The following CNTN5 variants were observed in gnomAD, a reference collection of about 807,000 sequenced individuals.
CNTN5 encodes the protein contactin 5.
CNTN5 carries 77 observed loss-of-function variants against 129.1 expected under a neutral mutation model. The ratio of observed to expected loss-of-function variants is 0.60; its 90% CI spans 0.50 to 0.72. CNTN5 has a LOEUF of 0.72. Ranked by LOEUF, CNTN5 falls within the 30% of genes least tolerant of loss-of-function variation. CNTN5 has a pLI of 0.00. For synonymous variants in CNTN5, 509 were observed against 465.6 expected (o/e 1.09, Z -1.20); for missense variants, 1,478 against 1,328.8 (o/e 1.11, Z -1.75).
At chr11:99,716,432 C>T (rs1387447804) in intron 3 of CNTN5, among the ~76,000 whole-genome samples, 1 of 151,970 alleles carries the variant, frequency 6.6e-6, no homozygotes, top group African/African-American at 2.4e-5. Context: ...CCTCAGTATC[C>T]TGAATGAGCT....
chr11:99,824,853 G>A (rs981732189), intron 4 of CNTN5, among the ~76,000 whole-genome samples: 1 of 151,900 alleles, frequency 6.6e-6, no homozygotes, highest in African/African-American at 2.4e-5. Flanking sequence ...ACTTATATAT[G>A]TTAAAAATAT....
chr11:100,245,441 C>A (rs1360041190), intron 16 of CNTN5, among the ~76,000 whole-genome samples: 2 of 151,976 alleles, frequency 1.3e-5, no homozygotes, highest in African/African-American at 4.8e-5. Flanking sequence ...TGAACCAATC[C>A]TTAGCAGGGG....
intron 1 of CNTN5, among the ~76,000 whole-genome samples, chr11:99,088,441 C>A (rs896922967): frequency 6.6e-6 from 1 of 152,080 alleles, no homozygotes; most frequent in Non-Finnish European, 1.5e-5. Context: ...GAAATCTTGG[C>A]ACATTCCTTA....
At chr11:100,160,666 C>T (rs571266474) in intron 13 of CNTN5, among the ~76,000 whole-genome samples, 1 of 152,054 alleles carries the variant, frequency 6.6e-6, no homozygotes, top group South Asian at 2.1e-4. Flanking sequence ...ACTCAAGTTA[C>T]TTCTACTTAT....
At chr11:99,103,224 G>C (rs1184698194) in intron 1 of CNTN5, among the ~76,000 whole-genome samples, 1 of 152,128 alleles carries the variant, frequency 6.6e-6, no homozygotes, top group African/African-American at 2.4e-5. Context: ...GATGAGATTT[G>C]GGTGGGGACA....
Position 99,463,266 on chromosome 11 carries a change from A to G in CNTN5, c.-70-92879A>G, listed in dbSNP as rs375964285. 3.3e-5 allele frequency among the ~76,000 whole-genome samples: 5 copies of G among 150,384 alleles called. No homozygotes were observed. The East Asian group carries it at 7.9e-4, about 24-fold the overall frequency. On this transcript the variant is annotated intron_variant, in intron 2 of 24. Transcript: ENST00000524871. Reference sequence around the variant, plus strand: ...ATCCTGGCTAACACGGTGAAACCCCATCTCTACTAAAAATACAAAAAATTA... The same window carrying G: ...ATCCTGGCTAACACGGTGAAACCCCGTCTCTACTAAAAATACAAAAAATTA...
At chr11:99,451,871 C>T (rs1434314258) in intron 2 of CNTN5, among the ~76,000 whole-genome samples, 1 of 152,080 alleles carries the variant, frequency 6.6e-6, no homozygotes. Context: ...TTTTAAGTCA[C>T]AAGACTCTTC....
At chr11:100,046,928 C>A (rs1312364997) in intron 9 of CNTN5, among the ~76,000 whole-genome samples, 1 of 151,828 alleles carries the variant, frequency 6.6e-6, no homozygotes, top group Non-Finnish European at 1.5e-5. Flanking sequence ...CAGAAACTGA[C>A]CCAGATAGGA....
At chr11:99,751,739 A>T (rs1944243850) in intron 3 of CNTN5, among the ~76,000 whole-genome samples, 1 of 152,200 alleles carries the variant, frequency 6.6e-6, no homozygotes, top group Non-Finnish European at 1.5e-5. Context: ...CAGTTGTCAT[A>T]GGCTATAGTT....
chr11:100,078,168 G>T lies in CNTN5; in HGVS notation c.1580+3874G>T, dbSNP rs185294697. ...ACCACGTTTTGAGTAAATCTGCCAG[G>T]TTTAGTTTTCTTTGTTTTCTTGAAG... On this transcript the variant is annotated intron_variant, in intron 13 of 24. Coordinates refer to ENST00000524871, the MANE Select transcript of CNTN5 (RefSeq NM_014361.4). Among the ~76,000 whole-genome samples the T allele has an allele frequency of 2.3e-4, 35 of 152,132 alleles. No individual in the cohort carries two copies. In the East Asian group the frequency reaches 6.2e-3, roughly 27 times the overall value.
chr11:100,251,335 A>G (rs1949958596), intron 16 of CNTN5, among the ~76,000 whole-genome samples: 1 of 152,162 alleles, frequency 6.6e-6, no homozygotes, highest in Non-Finnish European at 1.5e-5. Context: ...CAGGATGTAC[A>G]TAGTGATGCT....
intron 2 of CNTN5, among the ~76,000 whole-genome samples, chr11:99,521,588 G>A (rs1947277857): frequency 6.6e-6 from 1 of 152,086 alleles, no homozygotes; most frequent in South Asian, 2.1e-4. Flanking sequence ...ATAAAAAAAG[G>A]ACACTTTGTA....
intron 2 of CNTN5, among the ~76,000 whole-genome samples, chr11:99,473,038 G>A (rs752689075): frequency 6.6e-6 from 1 of 152,114 alleles, no homozygotes; most frequent in African/African-American, 2.4e-5. Flanking sequence ...GCTGCCAGAA[G>A]AAGTGATTCT....
At chr11:99,851,205 G>C (rs933548853) in intron 6 of CNTN5, among the ~76,000 whole-genome samples, 3 of 152,020 alleles carry the variant, frequency 2.0e-5, no homozygotes, top group Non-Finnish European at 4.4e-5. Context: ...ACTTAGTTTA[G>C]CATTAATAAA....
intron 2 of CNTN5, among the ~76,000 whole-genome samples, chr11:99,452,492 C>T (rs573354126): frequency 6.6e-6 from 1 of 151,414 alleles, no homozygotes; most frequent in Admixed American, 6.6e-5. Context: ...CCTGCCTCAG[C>T]CTCTCAAGTA....
chr11:99,602,104 T>A (rs866719045), intron 3 of CNTN5, among the ~76,000 whole-genome samples: 2 of 152,078 alleles, frequency 1.3e-5, no homozygotes, highest in African/African-American at 2.4e-5. Context: ...GTACAAGTTC[T>A]TAAGAATCTA....
chr11:99,762,799 A>G (rs1480749327), intron 3 of CNTN5, among the ~76,000 whole-genome samples: 1 of 152,162 alleles, frequency 6.6e-6, no homozygotes, highest in Admixed American at 6.6e-5. Flanking sequence ...TAATGTCTGT[A>G]TCCCTATAGT....
chr11:99,902,572 C>T (rs1949387868), intron 6 of CNTN5, among the ~76,000 whole-genome samples: 1 of 152,062 alleles, frequency 6.6e-6, no homozygotes, highest in African/African-American at 2.4e-5. Context: ...AGAGCTAGAG[C>T]AACAACAAAA....
chr11:100,241,503 A>G (rs1949741244), intron 16 of CNTN5, among the ~76,000 whole-genome samples: 1 of 152,212 alleles, frequency 6.6e-6, no homozygotes, highest in Non-Finnish European at 1.5e-5. Flanking sequence ...TGCTCTAGGG[A>G]GTCTTACGTT....
Sources: allele counts gnomAD v4.1 joint callset (sites outside exome capture counted in the v4.1 genomes callset), GRCh38; gene constraint gnomAD v4.1.1; transcripts MANE v1.5; gene names NCBI Gene and HGNC (gene_info 2026-07-23, HGNC 2026-07-21).